CDH12: variants seen among roughly 807,000 people sequenced by gnomAD.
CDH12 encodes cadherin-12.
A neutral mutation model predicts 74.1 loss-of-function variants in CDH12; 41 were observed. The ratio of observed to expected loss-of-function variants is 0.55; its 90% CI spans 0.43 to 0.72. The LOEUF (loss-of-function observed/expected upper bound fraction) is 0.72, where lower values mean the gene tolerates loss of function less well. Among genes scored for constraint, CDH12 ranks in the 30% least tolerant of loss-of-function variants. The pLI is 0.00. For missense variants in CDH12, 945 were observed against 977.2 expected (o/e 0.97, Z 0.44); for synonymous variants, 399 against 355.0 (o/e 1.12, Z -1.39).
intron 8 of CDH12, among the ~76,000 whole-genome samples, chr5:21,833,296 A>ATATATTATATGTTATATAACATATAATG (rs1749288994): frequency 1.9e-5 from 1 of 51,606 alleles, no homozygotes; most frequent in South Asian, 5.9e-4. Flanking sequence ...AACATATAAT[A>ATATATTATATGTTATATAACATATAATG]TATATTATAT....
At chr5:22,556,280 G>GA (rs1738799625) in intron 1 of CDH12, among the ~76,000 whole-genome samples, 1 of 152,048 alleles carries the variant, frequency 6.6e-6, no homozygotes, top group Non-Finnish European at 1.5e-5. Context: ...CATGAAGTAA[G>GA]GCTATGGGCA....
chr5:22,286,678 CTTT>C (rs56379593), intron 3 of CDH12, among the ~76,000 whole-genome samples: 68 of 145,622 alleles, frequency 4.7e-4, no homozygotes, highest in Admixed American at 5.5e-4. Flanking sequence ...TCTTTCTTTC[CTTT>C]TTTTTTTTTT....
intron 6 of CDH12, among the ~76,000 whole-genome samples, chr5:21,898,904 C>G (rs1753254320): frequency 6.6e-6 from 1 of 151,990 alleles, no homozygotes; most frequent in Non-Finnish European, 1.5e-5. Flanking sequence ...ATGAGTTGAT[C>G]TAAGAGAAGG....
chr5:22,269,498 C>A (rs1305302418), intron 3 of CDH12, among the ~76,000 whole-genome samples: 1 of 152,116 alleles, frequency 6.6e-6, no homozygotes, highest in Non-Finnish European at 1.5e-5. Context: ...TCTATATAAG[C>A]ATGTTGATTT....
At chr5:21,794,619 C>T (rs527334076) in intron 10 of CDH12, among the ~76,000 whole-genome samples, 90 of 151,726 alleles carry the variant, frequency 5.9e-4, no homozygotes, top group African/African-American at 2.1e-3. Flanking sequence ...TACAAAATAT[C>T]TATTTTTTTC....
chr5:22,781,565 C>G (rs1031614963), intron 1 of CDH12, among the ~76,000 whole-genome samples: 7 of 152,126 alleles, frequency 4.6e-5, no homozygotes, highest in African/African-American at 1.4e-4. Flanking sequence ...TAGTTCCAAC[C>G]TAGAACTGAA....
intron 2 of CDH12, among the ~76,000 whole-genome samples, chr5:22,409,892 T>G (rs949823732): frequency 6.6e-6 from 1 of 152,230 alleles, no homozygotes; most frequent in African/African-American, 2.4e-5. Flanking sequence ...TCAATTAGTG[T>G]TATTTATTTA....
chr5:22,464,438 C>A (rs1745643426), intron 2 of CDH12, among the ~76,000 whole-genome samples: 1 of 152,144 alleles, frequency 6.6e-6, no homozygotes, highest in South Asian at 2.1e-4. Flanking sequence ...GTTGTCATTA[C>A]AGAAAAACTC....
intron 3 of CDH12, among the ~76,000 whole-genome samples, chr5:22,213,039 T>A (rs1751632316): frequency 1.3e-5 from 2 of 152,132 alleles, no homozygotes; most frequent in Non-Finnish European, 2.9e-5. Context: ...TGTAAGATAT[T>A]AGGTACAGTG....
At chr5:22,747,031 TTCCAAC>T (rs1372943811) in intron 1 of CDH12, among the ~76,000 whole-genome samples, 1 of 152,194 alleles carries the variant, frequency 6.6e-6, no homozygotes, top group Non-Finnish European at 1.5e-5. Flanking sequence ...CTCCTCTGTC[TTCCAAC>T]ATCTACTTTC....
intron 6 of CDH12, among the ~76,000 whole-genome samples, chr5:21,934,237 T>A (rs532815349): frequency 6.6e-6 from 1 of 152,272 alleles, no homozygotes; most frequent in East Asian, 1.9e-4. Flanking sequence ...CGTGATTGGA[T>A]CATAGGGGCA....
At chr5:22,203,712 A>G (rs2150356556) in intron 4 of CDH12, among the ~76,000 whole-genome samples, 1 of 152,298 alleles carries the variant, frequency 6.6e-6, no homozygotes, top group South Asian at 2.1e-4. Context: ...ATTCTCACCA[A>G]CAGCAATATG....
chr5:21,932,043 C>G (rs1754864406), intron 6 of CDH12, among the ~76,000 whole-genome samples: 1 of 152,168 alleles, frequency 6.6e-6, no homozygotes, highest in East Asian at 1.9e-4. Context: ...TTACTGATGT[C>G]TGTTATCTGT....
At chr5:22,006,333 G>A (rs1736958185) in intron 5 of CDH12, among the ~76,000 whole-genome samples, 1 of 151,746 alleles carries the variant, frequency 6.6e-6, no homozygotes, top group East Asian at 1.9e-4. Flanking sequence ...CCACCTCTCT[G>A]CTTATTTGAA....
intron 3 of CDH12, among the ~76,000 whole-genome samples, chr5:22,333,588 G>C (rs971564363): frequency 2.6e-5 from 4 of 152,096 alleles, no homozygotes; most frequent in African/African-American, 9.7e-5. Flanking sequence ...TACTCTAACT[G>C]TTGTGAAAAA....
intron 6 of CDH12, chr5:21,883,786 A>G: frequency 1.3e-6 from 2 of 1,576,402 alleles, no homozygotes; most frequent in South Asian, 2.2e-5. Context: ...AAACTTTCAG[A>G]TGGAGTAGTT....
At chr5:21,923,155 G>A (rs891497060) in intron 6 of CDH12, among the ~76,000 whole-genome samples, 2 of 151,878 alleles carry the variant, frequency 1.3e-5, no homozygotes, top group African/African-American at 4.8e-5. Flanking sequence ...CTATAATGGT[G>A]GTGAATAATA....
At chr5:22,123,666 A>G (rs1238041281) in intron 4 of CDH12, among the ~76,000 whole-genome samples, 1 of 152,226 alleles carries the variant, frequency 6.6e-6, no homozygotes, top group Non-Finnish European at 1.5e-5. Context: ...AACTTTGAAA[A>G]GAAAAATGTG....
At chr5:22,440,922 C>T (rs1193642260) in intron 2 of CDH12, among the ~76,000 whole-genome samples, 1 of 152,092 alleles carries the variant, frequency 6.6e-6, no homozygotes, top group Non-Finnish European at 1.5e-5. Flanking sequence ...AGCCATTAAT[C>T]AGCCTATGTA....
Sources: gnomAD v4.1 joint callset for allele counts (sites outside exome capture counted in the v4.1 genomes callset) on GRCh38, gnomAD v4.1.1 for gene constraint, MANE v1.5 for transcripts, NCBI Gene and HGNC (gene_info 2026-07-23, HGNC 2026-07-21) for gene names.